FBXL18: variants seen among roughly 807,000 people sequenced by gnomAD.
FBXL18 encodes the protein F-box/LRR-repeat protein 18.
In FBXL18, 36 loss-of-function variants were observed where a neutral mutation model predicts 46.0. The ratio of observed to expected loss-of-function variants is 0.78; its 90% CI spans 0.60 to 1.03. FBXL18 has a LOEUF of 1.03. Among genes scored for constraint, FBXL18 ranks in the 50% least tolerant of loss-of-function variants. The pLI, the probability that FBXL18 is intolerant of heterozygous loss-of-function variation, is 0.00. For synonymous variants in FBXL18, 557 were observed against 465.3 expected (o/e 1.20, Z -2.54); for missense variants, 977 against 1,004.1 (o/e 0.97, Z 0.36).
intron 4 of FBXL18, 147 bp from the exon 5 acceptor site, chr7:5,482,078 C>T (rs941188266): frequency 1.3e-5 from 12 of 951,468 alleles, no homozygotes; most frequent in Non-Finnish European, 1.8e-5. Context: ...GCCAGAGTCA[C>T]CCTCTAAGTG....
chr7:5,474,182 G>A (rs969774048), downstream of FBXL18, among the ~76,000 whole-genome samples: 5 of 151,906 alleles, frequency 3.3e-5, no homozygotes, highest in Non-Finnish European at 7.4e-5. Context: ...CTGAGGGAGG[G>A]GGCTGGGGAG....
chr7:5,474,563 G>C (rs1477873287), downstream of FBXL18, among the ~76,000 whole-genome samples: 1 of 152,026 alleles, frequency 6.6e-6, no homozygotes, highest in African/African-American at 2.4e-5. Flanking sequence ...TGTTGTTTCT[G>C]CCTCGATCTC....
intron 1 of FBXL18, among the ~76,000 whole-genome samples, chr7:5,508,835 T>C (rs1254539158): frequency 6.6e-6 from 1 of 152,076 alleles, no homozygotes; most frequent in African/African-American, 2.4e-5. Flanking sequence ...TATGAAAGAA[T>C]GCCATCACAG....
chr7:5,513,676 T>C lies in FBXL18; in HGVS notation c.-2A>G, dbSNP rs61740906. The stretch of plus-strand genomic sequence containing the variant: ...CAGTACCTCTCCGGAGCTGGCCATG[T>C]CGCCGGCGGGTCCGAACCGCGGCCG... On this transcript the variant is annotated 5_prime_UTR_variant, in exon 1 of 5. Coordinates refer to ENST00000382368, the MANE Select transcript of FBXL18 (RefSeq NM_024963.6). 13,772 of 1,607,926 alleles carry C rather than the reference T, an allele frequency of 8.6e-3. 437 individuals carry two copies. The African/African-American group carries it at 0.1, about 12-fold the overall frequency.
chr7:5,502,743 G>A (rs1444832794), intron 2 of FBXL18, among the ~76,000 whole-genome samples: 3 of 151,574 alleles, frequency 2.0e-5, no homozygotes, highest in East Asian at 1.9e-4. Flanking sequence ...CAGGAGAATC[G>A]CTTGAACCTG....
intron 2 of FBXL18, among the ~76,000 whole-genome samples, chr7:5,502,404 G>A (rs558597573): frequency 1.3e-5 from 2 of 151,976 alleles, no homozygotes; most frequent in African/African-American, 4.8e-5. Context: ...GCATGGTGGT[G>A]TGCGCCTTTT....
chr7:5,463,729 T>TATATATATATATATATATA (rs1562672305), intron 4 of FBXL18, among the ~76,000 whole-genome samples: 2 of 10,068 alleles, frequency 2.0e-4, no homozygotes, highest in African/African-American at 5.5e-4. Flanking sequence ...TATTTATTTA[T>TATATATATATATATATATA]TTTTTTTTTT....
At chr7:5,466,994 A>G (rs1783350138) in intron 4 of FBXL18, among the ~76,000 whole-genome samples, 1 of 152,190 alleles carries the variant, frequency 6.6e-6, no homozygotes, top group Admixed American at 6.5e-5. Context: ...AGGCAGGCGG[A>G]TCACCTGACG....
Position 5,500,694 on chromosome 7 carries a change from G to T in FBXL18, c.1575C>A (p.Ala525=), listed in dbSNP as rs771599063. ...GCAGGAAGGCCAGCTGGCCGATGGCGGCCACCTCCGAGTCCCCGACACTCT... is the reference window on the plus strand; with the variant it reads ...GCAGGAAGGCCAGCTGGCCGATGGCTGCCACCTCCGAGTCCCCGACACTCT... ...RAQSVGDSEV[A]AIGQLAFLRH... Residue 525 remains alanine (A), a synonymous_variant, in exon 3 of 5, where the codon GCC becomes GCA. Coordinates refer to ENST00000382368, the MANE Select transcript of FBXL18 (RefSeq NM_024963.6). The T allele has an allele frequency of 6.2e-7, 1 of 1,610,650 alleles. No individual in the cohort carries two copies. Among genetic ancestry groups the T allele is most frequent in the African/African-American group, 1.3e-5 (1 of 75,008 alleles).
At chr7:5,475,018 C>T (rs1004095638), downstream of FBXL18, among the ~76,000 whole-genome samples, 1 of 146,178 alleles carries the variant, frequency 6.8e-6, no homozygotes, top group South Asian at 2.4e-4. The surrounding 1 kb of genome is among the most constrained non-coding windows in gnomAD (Gnocchi z 4.2). Context: ...AAATTATGCA[C>T]TTTAAAATGG....
chr7:5,470,863 G>T (rs774415822), downstream of FBXL18, among the ~76,000 whole-genome samples: 1 of 152,148 alleles, frequency 6.6e-6, no homozygotes, highest in Non-Finnish European at 1.5e-5. Context: ...TGGAGATGGC[G>T]GTGGCTGAGA....
At chr7:5,493,757 C>T (rs1175902923) in intron 3 of FBXL18, among the ~76,000 whole-genome samples, 1 of 151,848 alleles carries the variant, frequency 6.6e-6, no homozygotes, top group Non-Finnish European at 1.5e-5. Context: ...TCAAGCAATC[C>T]TCCTGCCTCA....
chr7:5,477,329 C>T lies in FBXL18; in HGVS notation c.*4446G>A, dbSNP rs1056489213. 1.3e-5 allele frequency among the ~76,000 whole-genome samples: 2 copies of T among 152,318 alleles called. No homozygotes were observed. The highest frequency in any genetic ancestry group is 3.4e-3 in the Middle Eastern group (1 of 294). ...GCCCACGTCCACAGGAAGTGGCCGA[C>T]GTCTCCTCTGCCTTTGGTTTAGTGG... On this transcript the variant is annotated 3_prime_UTR_variant, in exon 5 of 5. Coordinates refer to ENST00000382368, the MANE Select transcript of FBXL18 (RefSeq NM_024963.6). The surrounding 1 kb of genome is among the most constrained non-coding windows in gnomAD (Gnocchi z 4.4).
chr7:5,457,717 A>G (rs1783191653), intron 4 of FBXL18, among the ~76,000 whole-genome samples: 1 of 152,244 alleles, frequency 6.6e-6, no homozygotes, highest in Non-Finnish European at 1.5e-5. Flanking sequence ...TGGTGCCCCA[A>G]GTGGCCCCCA....
chr7:5,485,882 C>T (rs922964016), intron 4 of FBXL18, among the ~76,000 whole-genome samples: 1 of 151,576 alleles, frequency 6.6e-6, no homozygotes, highest in Non-Finnish European at 1.5e-5. Flanking sequence ...GGTGAAACCC[C>T]ATCTCTACTA....
chr7:5,488,618 C>T (rs188346244), intron 4 of FBXL18, among the ~76,000 whole-genome samples: 1 of 152,214 alleles, frequency 6.6e-6, no homozygotes, highest in Non-Finnish European at 1.5e-5. Context: ...TCCCAAGTCC[C>T]TTCAACAAAA....
rs984399106 is a variant in FBXL18, at chr7:5,455,829, A to T, written c.2001-7986T>A. On this transcript the variant is annotated intron_variant and NMD_transcript_variant, in intron 4 of 6. Coordinates refer to the FBXL18 transcript ENST00000415009. The surrounding 1 kb of genome is among the most constrained non-coding windows in gnomAD (Gnocchi z 4.6). ...GGAGAGAGTTTGGTCCTTCAGCAAG[A>T]TCACACTCTTCTCCATATGACCCCA... Among the ~76,000 whole-genome samples the T allele has an allele frequency of 1.3e-5, 2 of 151,064 alleles. No individual in the cohort carries two copies. Among genetic ancestry groups the T allele is most frequent in the African/African-American group, 4.9e-5 (2 of 40,952 alleles).
Position 5,500,863 on chromosome 7 carries a change from G to T in FBXL18, c.1406C>A (p.Pro469His), listed in dbSNP as rs1402780436. ...AGACCAGAACACGGAGGAGGGCTGG[G>T]GGCACGCCTGGCCCGAGAAGGGGCT... ...CPSPFSGQACPQPSSVFWSLL... is the reference protein window; with the variant it reads ...CPSPFSGQACHQPSSVFWSLL... Residue 469 changes from proline (P) to histidine (H), a missense_variant, in exon 3 of 5, where the codon CCC becomes CAC. By Grantham distance (77) the Pro-to-His change is moderately conservative. Coordinates refer to ENST00000382368, the MANE Select transcript of FBXL18 (RefSeq NM_024963.6). The T allele has an allele frequency of 6.2e-7, 1 of 1,603,458 alleles. No homozygotes were observed. Among genetic ancestry groups the T allele is most frequent in the Non-Finnish European group, 8.5e-7 (1 of 1,173,786 alleles).
chr7:5,481,032 GT>G lies in FBXL18; in HGVS notation c.*742del, dbSNP rs1783631618. 1.3e-5 allele frequency: 2 copies of G among 148,812 alleles called. No homozygotes were observed. The highest frequency in any genetic ancestry group is 3.0e-5 in the Non-Finnish European group (2 of 67,308). The allele number at this position is 148,812 out of a possible 1,614,324, so 9.2% of individuals were successfully genotyped here. A position where few individuals can be genotyped will look rare whatever the true frequency, so the allele number is the denominator to read the frequency against. ...GACCTTCCCAGGGAAGCTGAAGGCCGTGGGGTGGGTGGGAGGGGGAGGAGGC... is the reference window on the plus strand; with the variant it reads ...GACCTTCCCAGGGAAGCTGAAGGCCGGGGGTGGGTGGGAGGGGGAGGAGGC... On this transcript the variant is annotated 3_prime_UTR_variant, in exon 5 of 5. Coordinates refer to ENST00000382368, the MANE Select transcript of FBXL18 (RefSeq NM_024963.6).
Sources: gnomAD v4.1 joint callset for allele counts (sites outside exome capture counted in the v4.1 genomes callset) on GRCh38, gnomAD v4.1.1 for gene constraint, Gnocchi (gnomAD v3.1) non-coding constraint, MANE v1.5 for transcripts, NCBI Gene and HGNC (gene_info 2026-07-23, HGNC 2026-07-21) for gene names.